The following SCHIP1 variants were observed in gnomAD, a reference collection of about 807,000 sequenced individuals.
The protein encoded by SCHIP1 is schwannomin interacting protein 1.
Under a neutral mutation model 29.7 loss-of-function variants are expected in SCHIP1, and 8 were observed. The ratio of observed to expected loss-of-function variants is 0.27; its 90% CI spans 0.16 to 0.49. SCHIP1 has a LOEUF of 0.49. SCHIP1 is among the 20% of genes least tolerant of loss of function. SCHIP1 has a pLI of 0.99. For missense variants in SCHIP1, 193 were observed against 294.6 expected (o/e 0.66, Z 2.52); for synonymous variants, 76 against 94.9 (o/e 0.80, Z 1.16).
chr3:159,374,672 A>C, the SCHIP1 span, among the ~76,000 whole-genome samples: 1 of 152,206 alleles, frequency 6.6e-6, no homozygotes, highest in Non-Finnish European at 1.5e-5. Context: ...AGGAACTTTC[A>C]ACCTTATGAC....
At chr3:159,882,875 G>A (rs140262301) in intron 2 of SCHIP1, among the ~76,000 whole-genome samples, 2 of 152,272 alleles carry the variant, frequency 1.3e-5, no homozygotes, top group East Asian at 3.9e-4. Context: ...TCCCGACCAA[G>A]TGCCCTCCTG....
the SCHIP1 span, among the ~76,000 whole-genome samples, chr3:159,689,625 CAATG>C: frequency 6.6e-6 from 1 of 152,166 alleles, no homozygotes; most frequent in African/African-American, 2.4e-5. Context: ...CCAGAACTTC[CAATG>C]CTGTGTTGAA....
the SCHIP1 span, among the ~76,000 whole-genome samples, chr3:159,606,440 A>G: frequency 6.6e-6 from 1 of 152,204 alleles, no homozygotes; most frequent in Non-Finnish European, 1.5e-5. Context: ...CAGCCCACAG[A>G]CAGCATTTGG....
At chr3:159,851,043 A>G (rs1712559261) in intron 1 of SCHIP1, among the ~76,000 whole-genome samples, 1 of 152,202 alleles carries the variant, frequency 6.6e-6, no homozygotes, top group Non-Finnish European at 1.5e-5. Context: ...GGAGGCCAAG[A>G]TAGGAAGATC....
At chr3:159,405,482 A>T in the SCHIP1 span, among the ~76,000 whole-genome samples, 1 of 152,258 alleles carries the variant, frequency 6.6e-6, no homozygotes. Context: ...GAAATTCTGG[A>T]GTTGAAAAAT....
chr3:159,704,261 T>C, the SCHIP1 span, among the ~76,000 whole-genome samples: 1 of 151,842 alleles, frequency 6.6e-6, no homozygotes, highest in Non-Finnish European at 1.5e-5. Context: ...ACAGTGAAAC[T>C]CTGTCTCTAC....
At chr3:159,553,762 C>T in the SCHIP1 span, among the ~76,000 whole-genome samples, 1 of 152,140 alleles carries the variant, frequency 6.6e-6, no homozygotes, top group Non-Finnish European at 1.5e-5. Flanking sequence ...AGGTGTGAGC[C>T]ACTGCGCCCA....
the SCHIP1 span, among the ~76,000 whole-genome samples, chr3:159,279,531 C>T: frequency 1.3e-5 from 2 of 152,110 alleles, no homozygotes; most frequent in African/African-American, 4.8e-5. Flanking sequence ...TTTTAGAGCA[C>T]TTAGTACTTT....
the SCHIP1 span, among the ~76,000 whole-genome samples, chr3:159,769,724 T>C: frequency 6.6e-6 from 1 of 152,198 alleles, no homozygotes; most frequent in Non-Finnish European, 1.5e-5. Flanking sequence ...CACTCCAGCC[T>C]GGGTGACAAG....
the SCHIP1 span, among the ~76,000 whole-genome samples, chr3:159,565,018 T>C: frequency 6.6e-6 from 1 of 152,198 alleles, no homozygotes; most frequent in African/African-American, 2.4e-5. Flanking sequence ...GTGCTTAGCT[T>C]TAGAAGATCA....
At chr3:159,702,649 A>G in the SCHIP1 span, among the ~76,000 whole-genome samples, 14 of 152,244 alleles carry the variant, frequency 9.2e-5, no homozygotes, top group Non-Finnish European at 2.1e-4. Context: ...TCTGAAAATA[A>G]CTTGTCCAGA....
At chr3:159,790,444 G>A in the SCHIP1 span, among the ~76,000 whole-genome samples, 598 of 152,278 alleles carry the variant, frequency 3.9e-3, 2 homozygotes, top group African/African-American at 0.013. Context: ...TAATCCCAGC[G>A]CTTTGAAAGG....
chr3:159,558,549 A>T, the SCHIP1 span, among the ~76,000 whole-genome samples: 1 of 152,140 alleles, frequency 6.6e-6, no homozygotes, highest in African/African-American at 2.4e-5. Context: ...AGGATTACGG[A>T]GGAAAGAAAA....
the SCHIP1 span, among the ~76,000 whole-genome samples, chr3:159,391,719 T>C: frequency 6.6e-6 from 1 of 152,210 alleles, no homozygotes; most frequent in Non-Finnish European, 1.5e-5. Context: ...TTATTTCTCT[T>C]TGCCCTTCTT....
At chr3:159,283,134 T>C in the SCHIP1 span, among the ~76,000 whole-genome samples, 1 of 152,110 alleles carries the variant, frequency 6.6e-6, no homozygotes, top group Non-Finnish European at 1.5e-5. Flanking sequence ...CAGGAAAGAT[T>C]TGAAATTTCA....
intron 6 of SCHIP1, among the ~76,000 whole-genome samples, chr3:159,895,083 TG>T (rs1717927950): frequency 6.6e-6 from 1 of 152,258 alleles, no homozygotes; most frequent in African/African-American, 2.4e-5. Context: ...TATCTTGATC[TG>T]GATTTGCTTA....
At chr3:159,748,857 T>C in the SCHIP1 span, among the ~76,000 whole-genome samples, 2 of 152,172 alleles carry the variant, frequency 1.3e-5, no homozygotes, top group Admixed American at 1.3e-4. Context: ...TAAAAATGGG[T>C]AACCAAACAC....
chr3:159,691,332 C>A, the SCHIP1 span, among the ~76,000 whole-genome samples: 1 of 151,940 alleles, frequency 6.6e-6, no homozygotes, highest in African/African-American at 2.4e-5. Flanking sequence ...TATCCCTTTA[C>A]CATTATGTAA....
the SCHIP1 span, among the ~76,000 whole-genome samples, chr3:159,828,407 ACG>A: frequency 0.013 from 593 of 45,004 alleles, 9 homozygotes; most frequent in African/African-American, 0.058. Context: ...GTATATATAT[ACG>A]TATATATACG....
Sources: allele counts gnomAD v4.1 joint callset (sites outside exome capture counted in the v4.1 genomes callset), GRCh38; gene constraint gnomAD v4.1.1; transcripts MANE v1.5; gene names NCBI Gene and HGNC (gene_info 2026-07-23, HGNC 2026-07-21).